Variants in KIAA1217 observed in about 807,000 individuals in gnomAD.
KIAA1217 encodes the protein KIAA1217, also known as sickle tail protein homolog.
In KIAA1217, 88 loss-of-function variants were observed where a neutral mutation model predicts 163.9. The ratio of observed to expected loss-of-function variants is 0.54; its 90% CI spans 0.45 to 0.64. The LOEUF (loss-of-function observed/expected upper bound fraction) is 0.64, where lower values mean the gene tolerates loss of function less well. KIAA1217 is among the 30% of genes least tolerant of loss of function. KIAA1217 has a pLI of 0.00. For missense variants in KIAA1217, 2,372 were observed against 2,475.0 expected (o/e 0.96, Z 0.88); for synonymous variants, 903 against 923.1 (o/e 0.98, Z 0.39).
intron 2 of KIAA1217, among the ~76,000 whole-genome samples, chr10:24,375,884 T>C (rs2052414150): frequency 6.6e-6 from 1 of 152,226 alleles, no homozygotes; most frequent in Non-Finnish European, 1.5e-5. Context: ...AAAGCTACAT[T>C]TGCAGGTTCA....
At chr10:24,171,816 A>T (rs973376874) in intron 2 of KIAA1217, among the ~76,000 whole-genome samples, 1 of 151,988 alleles carries the variant, frequency 6.6e-6, no homozygotes, top group Non-Finnish European at 1.5e-5. Flanking sequence ...ATAAACAAAT[A>T]AATAAATGAA....
At chr10:24,332,965 T>C (rs1403756762) in intron 2 of KIAA1217, among the ~76,000 whole-genome samples, 3 of 152,088 alleles carry the variant, frequency 2.0e-5, no homozygotes, top group Non-Finnish European at 4.4e-5. Context: ...TCAGAAATAA[T>C]GTAGTAGAAG....
intron 2 of KIAA1217, among the ~76,000 whole-genome samples, chr10:24,359,851 G>A (rs1219592179): frequency 1.3e-5 from 2 of 151,836 alleles, no homozygotes; most frequent in Non-Finnish European, 1.5e-5. Context: ...ATAATTCTTA[G>A]TGTGACTTAT....
intron 2 of KIAA1217, among the ~76,000 whole-genome samples, chr10:24,035,003 G>A (rs1316239761): frequency 1.3e-5 from 2 of 152,146 alleles, no homozygotes; most frequent in Non-Finnish European, 1.5e-5. Flanking sequence ...CCAGGTCACC[G>A]CTGTGACTGA....
chr10:24,087,450 A>T lies in KIAA1217; in HGVS notation c.-171+80076A>T, dbSNP rs1435006856. On this transcript the variant is annotated intron_variant, in intron 2 of 18. Coordinates refer to the KIAA1217 transcript ENST00000376462. ...ATGTTAAATTTTATGTACTTTTTAA[A>T]ATTCTTAACTAGAGGGGCCCAAATA... is the stretch of plus-strand genomic sequence containing the variant. 3.3e-5 allele frequency among the ~76,000 whole-genome samples: 5 copies of T among 152,184 alleles called. No individual in the cohort carries two copies. The East Asian group carries it at 9.6e-4, about 29-fold the overall frequency.
Position 23,905,063 on chromosome 10 carries a change from C to CTT in KIAA1217, c.-320-102140_-320-102139dup, listed in dbSNP as rs562938938. On this transcript the variant is annotated intron_variant, in intron 1 of 18. Coordinates refer to the KIAA1217 transcript ENST00000376462. The stretch of plus-strand genomic sequence containing the variant: ...ATTGGGATTCTTCTTTTCTCTTTTC[C>CTT]TTTTTTTTTTTTTTTTTTTTTTTAG... Among the ~76,000 whole-genome samples, 52 of 99,934 alleles carry CTT rather than the reference C, an allele frequency of 5.2e-4. 1 individual carries two copies. The highest frequency in any genetic ancestry group is 1.1e-3 in the East Asian group (4 of 3,582). 65.6% of individuals were successfully genotyped at this position (99,934 alleles called of 152,430 possible).
At position 24,306,869 on chromosome 10, in the gene KIAA1217, T is replaced by C. The variant is rs566186546; in HGVS notation, c.355-74000T>C. ...AGTATCTGCTCCTCCTCTTGTCATA[T>C]ATTTGGAAGGTCTTCACCTCTTGAT... On this transcript the variant is annotated intron_variant, in intron 2 of 20. Transcript: ENST00000376454. Among the ~76,000 whole-genome samples the C allele has an allele frequency of 1.2e-3, 190 of 152,356 alleles. 1 individual carries two copies. The highest frequency in any genetic ancestry group is 3.8e-3 in the African/African-American group (160 of 41,580).
At chr10:24,337,623 TTCTTTTCTTTTCTTTTCTTTTCTTTTC>T (rs1374007149) in intron 2 of KIAA1217, among the ~76,000 whole-genome samples, 6 of 59,868 alleles carry the variant, frequency 1.0e-4, no homozygotes, top group Admixed American at 2.8e-4. Context: ...TTCTTTTCTT[TTCTTTTCTTTTCTTTTCTTTTCTTTTC>T]TTTTTTTTTT....
At chr10:24,456,962 G>A (rs537376862) in intron 5 of KIAA1217, among the ~76,000 whole-genome samples, 6 of 151,812 alleles carry the variant, frequency 4.0e-5, no homozygotes, top group East Asian at 1.9e-4. Context: ...TGGGCCTCCC[G>A]AAGTGCTGGG....
chr10:23,738,448 T>A (rs7083323), intron 1 of KIAA1217, among the ~76,000 whole-genome samples: 34,686 of 151,952 alleles, frequency 0.23, 4,258 homozygotes, highest in African/African-American at 0.32. Context: ...GCCTCTACTC[T>A]GAAAATGCTT....
intron 1 of KIAA1217, among the ~76,000 whole-genome samples, chr10:23,757,607 T>C (rs1158225479): frequency 6.6e-5 from 10 of 152,274 alleles, no homozygotes; most frequent in Non-Finnish European, 7.4e-5. Context: ...AACCTCTGCC[T>C]CCCGGGTTCC....
Position 23,797,588 on chromosome 10 carries a change from T to TA in KIAA1217, c.-321+102355dup, listed in dbSNP as rs1383874251. On this transcript the variant is annotated intron_variant, in intron 1 of 18. Coordinates refer to the KIAA1217 transcript ENST00000376462. Reference sequence around the variant, plus strand: ...GTGGCTGGGGAGGCCTCAGGAAACTTACAATCATGGCGGAAGGTGAAGAGG... The same window carrying TA: ...GTGGCTGGGGAGGCCTCAGGAAACTTAACAATCATGGCGGAAGGTGAAGAGG... 2.0e-5 allele frequency among the ~76,000 whole-genome samples: 3 copies of TA among 152,142 alleles called. No homozygotes were observed. The South Asian group carries it at 6.2e-4, about 32-fold the overall frequency.
At chr10:24,036,754 G>A (rs561539201) in intron 2 of KIAA1217, among the ~76,000 whole-genome samples, 17 of 152,078 alleles carry the variant, frequency 1.1e-4, no homozygotes, top group East Asian at 1.9e-4. Flanking sequence ...GAGTGAGAAC[G>A]CACTCATTAC....
At chr10:24,082,695 G>A (rs1259869690) in intron 2 of KIAA1217, among the ~76,000 whole-genome samples, 2 of 152,156 alleles carry the variant, frequency 1.3e-5, no homozygotes, top group African/African-American at 4.8e-5. Context: ...GAATAGTGCT[G>A]CAATGAACAT....
In KIAA1217 at chr10:24,531,931, C is replaced by G; in HGVS notation, c.3184C>G (p.Leu1062Val). The G allele has an allele frequency of 6.2e-7, 1 of 1,610,204 alleles. No homozygotes were observed. Among genetic ancestry groups the G allele is most frequent in the Middle Eastern group, 1.7e-4 (1 of 6,042 alleles). Residue 1062 changes from leucine (L) to valine (V), a missense_variant, in exon 15 of 21, where the codon CTC (leucine) becomes GTC (valine). By Grantham distance (32) the Leu-to-Val change is conservative. Coordinates refer to ENST00000376454, the MANE Select transcript of KIAA1217 (RefSeq NM_019590.5). ...PRRSYLPGSG[L>V]TTTRSGDVVY... ...TCGAAGCTACCTGCCAGGATCGGGA[C>G]TCACCACCACGAGGTCAGGCGATGT...
chr10:24,344,237 A>T (rs2047449872), intron 2 of KIAA1217, among the ~76,000 whole-genome samples: 1 of 152,254 alleles, frequency 6.6e-6, no homozygotes, highest in Admixed American at 6.5e-5. Context: ...GGATATTTTT[A>T]AATGTCTTAT....
At chr10:23,762,537 G>A (rs549071146) in intron 1 of KIAA1217, among the ~76,000 whole-genome samples, 3 of 152,146 alleles carry the variant, frequency 2.0e-5, no homozygotes, top group African/African-American at 7.2e-5. Context: ...CTCAATAGAT[G>A]CAGAAAAAGG....
chr10:24,407,283 T>TGC (rs2057321426), intron 3 of KIAA1217, among the ~76,000 whole-genome samples: 1 of 143,988 alleles, frequency 6.9e-6, no homozygotes, highest in African/African-American at 2.6e-5. Context: ...TGTGTGTGTG[T>TGC]GTGCGTGCGT....
chr10:24,230,932 T>C (rs2071321311), intron 2 of KIAA1217, among the ~76,000 whole-genome samples: 1 of 152,190 alleles, frequency 6.6e-6, no homozygotes. Context: ...AATCCAGTTA[T>C]CTTCCTGTGG....
Sources: gnomAD v4.1 joint callset for allele counts (sites outside exome capture counted in the v4.1 genomes callset) on GRCh38, gnomAD v4.1.1 for gene constraint, MANE v1.5 for transcripts, NCBI Gene and HGNC (gene_info 2026-07-23, HGNC 2026-07-21) for gene names.